The following CFHR5 variants were observed in gnomAD, a reference collection of about 807,000 sequenced individuals.
CFHR5 encodes complement factor H related 5.
A neutral mutation model predicts 62.9 loss-of-function variants in CFHR5; 73 were observed. The ratio of observed to expected loss-of-function variants is 1.16; its 90% CI spans 0.96 to 1.41. The LOEUF is 1.41. CFHR5 is among the 40% of genes most tolerant of loss of function. The pLI is 0.00. For missense variants in CFHR5, 779 were observed against 679.9 expected (o/e 1.15, Z -1.62); for synonymous variants, 249 against 227.2 (o/e 1.10, Z -0.86).
At chr1:196,980,628 G>GTGTGTGTGTGTC (rs1491195134) in intron 1 of CFHR5, among the ~76,000 whole-genome samples, 43 of 142,444 alleles carry the variant, frequency 3.0e-4, no homozygotes, top group African/African-American at 1.1e-3. Flanking sequence ...GTGTGTGTGT[G>GTGTGTGTGTGTC]TATCCCAGAA....
chr1:197,004,885 T>C (rs1558291197), intron 9 of CFHR5, 42 bp downstream of exon 9: 1 of 1,485,696 alleles, frequency 6.7e-7, no homozygotes, highest in South Asian at 1.1e-5. Flanking sequence ...ATTTAATATT[T>C]ATAGTGTAAT....
intron 1 of CFHR5, 44 bp from the exon 2 acceptor site, chr1:196,982,841 G>A (rs1412032502): frequency 2.0e-6 from 3 of 1,533,136 alleles, no homozygotes; most frequent in Non-Finnish European, 2.7e-6. Context: ...ATTCATCGAT[G>A]TAGCTCTTTA....
chr1:196,986,744 G>A (rs555952007), intron 3 of CFHR5, among the ~76,000 whole-genome samples: 18 of 152,104 alleles, frequency 1.2e-4, no homozygotes, highest in African/African-American at 2.2e-4. Flanking sequence ...TATGTGTGCC[G>A]CATTTTCTTA....
In CFHR5 at chr1:196,990,837, C is replaced by T. The variant is rs1367951019; in HGVS notation, c.431-3243C>T. Among the ~76,000 whole-genome samples, 5 of 152,180 alleles carry T rather than the reference C, an allele frequency of 3.3e-5. No homozygotes were observed. The South Asian group carries it at 8.3e-4, about 25-fold the overall frequency. On this transcript the variant is annotated intron_variant, in intron 3 of 9. Coordinates refer to ENST00000256785, the MANE Select transcript of CFHR5 (RefSeq NM_030787.4). ...TTCATTTCAACCTTGGTGAATCTGA[C>T]AATTATGTGTCCTGCTCTTCTCGAG...
At chr1:197,000,899 A>C (rs1375702112) in intron 7 of CFHR5, among the ~76,000 whole-genome samples, 4 of 152,208 alleles carry the variant, frequency 2.6e-5, no homozygotes, top group African/African-American at 7.2e-5. Flanking sequence ...TAAATAATAA[A>C]TAATATTGAA....
At chr1:196,994,402 A>G (rs1653934992) in intron 4 of CFHR5, 146 bp downstream of exon 4, 1 of 683,680 alleles carries the variant, frequency 1.5e-6, no homozygotes, top group African/African-American at 1.8e-5. Context: ...ATAGTAATTG[A>G]GCTGCATAGA....
In CFHR5 at chr1:196,981,454, T is replaced by TA. The variant is rs200594019; in HGVS notation, c.59-1424dup. ...CTGTACCTTCCACTCAATTTTACAG[T>TA]AAAAAAACTGTAAATAAAAAATTAA... On this transcript the variant is annotated intron_variant, in intron 1 of 9. Transcript: ENST00000256785. 7.2e-3 allele frequency among the ~76,000 whole-genome samples: 1,089 copies of TA among 151,694 alleles called. 15 individuals carry two copies. Among genetic ancestry groups the TA allele is most frequent in the African/African-American group, 0.025 (1,038 of 41,364 alleles).
intron 9 of CFHR5, among the ~76,000 whole-genome samples, chr1:197,005,503 A>G (rs1017107701): frequency 2.6e-5 from 4 of 152,160 alleles, no homozygotes; most frequent in Admixed American, 2.6e-4. Context: ...AAATTTGGAG[A>G]TTCACTTTTA....
At chr1:196,993,019 A>G (rs576820581) in intron 3 of CFHR5, among the ~76,000 whole-genome samples, 41 of 152,256 alleles carry the variant, frequency 2.7e-4, no homozygotes, top group Admixed American at 2.4e-3. Flanking sequence ...ATATAATTTT[A>G]TAAACTAACC....
chr1:196,996,812 C>T (rs567758717), intron 6 of CFHR5, among the ~76,000 whole-genome samples: 1 of 152,054 alleles, frequency 6.6e-6, no homozygotes, highest in East Asian at 1.9e-4. Flanking sequence ...TATTTCTATT[C>T]CTAATTATCT....
chr1:196,999,720 TATACACACACACAC>T (rs1397563203), intron 7 of CFHR5, among the ~76,000 whole-genome samples: 1,038 of 43,136 alleles, frequency 0.024, 8 homozygotes, highest in East Asian at 0.15. Context: ...TATATATATA[TATACACACACACAC>T]ATATATATAC....
At chr1:196,983,573 G>A (rs866185439) in intron 2 of CFHR5, among the ~76,000 whole-genome samples, 1 of 151,966 alleles carries the variant, frequency 6.6e-6, no homozygotes, top group African/African-American at 2.4e-5. Context: ...ATGATAACAG[G>A]TGCATTAAAA....
At chr1:196,983,777 CGT>C (rs1491469098) in intron 2 of CFHR5, among the ~76,000 whole-genome samples, 182 bp from the exon 3 acceptor site, 2 of 151,668 alleles carry the variant, frequency 1.3e-5, no homozygotes, top group Admixed American at 6.6e-5. Context: ...TATTAACTTT[CGT>C]ATATATATAT....
chr1:197,003,375 C>T (rs1386466876), intron 8 of CFHR5, among the ~76,000 whole-genome samples: 2 of 152,084 alleles, frequency 1.3e-5, no homozygotes, highest in African/African-American at 4.8e-5. Context: ...CAATAGGCTG[C>T]ACCATATAGC....
intron 1 of CFHR5, among the ~76,000 whole-genome samples, chr1:196,980,929 A>G (rs568972383): frequency 4.1e-4 from 62 of 152,292 alleles, no homozygotes; most frequent in Non-Finnish European, 7.2e-4. Flanking sequence ...AGTAAATGAT[A>G]TTTAAAAGGA....
chr1:196,987,530 A>G (rs928322575), intron 3 of CFHR5, among the ~76,000 whole-genome samples: 1 of 152,076 alleles, frequency 6.6e-6, no homozygotes, highest in Non-Finnish European at 1.5e-5. Flanking sequence ...ATCTTGAATT[A>G]ATTTTTGTAT....
intron 3 of CFHR5, among the ~76,000 whole-genome samples, chr1:196,990,095 T>C (rs1653805349): frequency 6.6e-6 from 1 of 152,206 alleles, no homozygotes; most frequent in African/African-American, 2.4e-5. Flanking sequence ...GCTCTTCTTG[T>C]TGAATTGATC....
chr1:196,995,863 G>A lies in CFHR5; in HGVS notation c.754G>A (p.Val252Met). 1 of 1,613,386 alleles carries A rather than the reference G, an allele frequency of 6.2e-7. No homozygotes were observed. The highest frequency in any genetic ancestry group is 2.2e-5 in the East Asian group (1 of 44,826). The stretch of plus-strand genomic sequence containing the variant: ...AAACGGGCCTAAGAAAATACAATGT[G>A]TGGATGGAGAATGGACAACTTTACC... ...IINGPKKIQC[V>M]DGEWTTLPTC... The change falls in exon 5 of 10, where the codon GTG (valine) becomes ATG (methionine). Residue 252 changes from valine to methionine, a missense_variant. By Grantham distance (21) the Val-to-Met change is conservative. Coordinates refer to ENST00000256785, the MANE Select transcript of CFHR5 (RefSeq NM_030787.4).
intron 9 of CFHR5, among the ~76,000 whole-genome samples, chr1:197,007,329 T>A (rs943736312): frequency 2.6e-5 from 4 of 152,102 alleles, no homozygotes; most frequent in Admixed American, 6.5e-5. Context: ...TGGAGAATAT[T>A]CTCAGGTGCT....
Sources: allele counts gnomAD v4.1 joint callset (sites outside exome capture counted in the v4.1 genomes callset), GRCh38; gene constraint gnomAD v4.1.1; transcripts MANE v1.5; gene names NCBI Gene and HGNC (gene_info 2026-07-23, HGNC 2026-07-21).